The following NKAIN3 variants were observed in gnomAD, a reference collection of about 807,000 sequenced individuals.
NKAIN3 encodes the protein sodium/potassium transporting ATPase interacting 3.
NKAIN3 carries 25 observed loss-of-function variants against 30.2 expected under a neutral mutation model. That is an observed-to-expected ratio of 0.83 (90% CI 0.60 to 1.16). The LOEUF is 1.16. Ranked by LOEUF, NKAIN3 falls within the 50% of genes most tolerant of loss-of-function variation. NKAIN3 has a pLI of 0.00. For missense variants in NKAIN3, 225 were observed against 254.1 expected (o/e 0.89, Z 0.78); for synonymous variants, 91 against 89.6 (o/e 1.02, Z -0.09).
intron 1 of NKAIN3, among the ~76,000 whole-genome samples, chr8:62,415,689 T>G (rs1384515011): frequency 6.6e-6 from 1 of 151,350 alleles, no homozygotes; most frequent in African/African-American, 2.4e-5. Context: ...ATTTATAAAC[T>G]ATAGAAACTA....
intron 4 of NKAIN3, among the ~76,000 whole-genome samples, chr8:62,762,963 C>T (rs1033366624): frequency 1.3e-5 from 2 of 151,962 alleles, no homozygotes; most frequent in Admixed American, 1.3e-4. Context: ...GTGGCTCACA[C>T]CTGTAATCCC....
intron 3 of NKAIN3, among the ~76,000 whole-genome samples, chr8:62,603,490 A>T (rs1449795415): frequency 2.6e-5 from 4 of 152,176 alleles, no homozygotes; most frequent in Non-Finnish European, 5.9e-5. Flanking sequence ...GCAAAACTTA[A>T]GTCATTTAAA....
chr8:62,795,608 A>C (rs1019795929), intron 4 of NKAIN3, among the ~76,000 whole-genome samples: 2 of 151,786 alleles, frequency 1.3e-5, no homozygotes, highest in Non-Finnish European at 2.9e-5. Context: ...CTTTTTTTTT[A>C]GCTCTAAAAT....
At chr8:62,300,117 C>A (rs1189260983) in intron 1 of NKAIN3, among the ~76,000 whole-genome samples, 1 of 151,960 alleles carries the variant, frequency 6.6e-6, no homozygotes, top group Non-Finnish European at 1.5e-5. Context: ...ACATTTGTAT[C>A]CTTAGCTGCA....
intron 3 of NKAIN3, among the ~76,000 whole-genome samples, chr8:62,614,293 G>T (rs1381268407): frequency 1.3e-5 from 2 of 152,074 alleles, no homozygotes; most frequent in Non-Finnish European, 2.9e-5. Context: ...ATCAAATCTG[G>T]GAGAATTCTC....
rs1824100433 is a variant in NKAIN3 at position 62,982,282 on chromosome 8, T to C, written c.*16875T>C. The C allele has an allele frequency of 6.6e-6, 1 of 152,238 alleles. No homozygotes were observed. Among genetic ancestry groups the C allele is most frequent in the Non-Finnish European group, 1.5e-5 (1 of 68,040 alleles). 9.4% of individuals were successfully genotyped at this position (152,238 alleles called of 1,614,324 possible). On this transcript the variant is annotated 3_prime_UTR_variant, in exon 7 of 7. Transcript: ENST00000623646. ...GAAATTATTAATTATTGACTTCTAC[T>C]TAAATAAGATCTTATTTTCATCTGC... is the stretch of plus-strand genomic sequence containing the variant.
intron 1 of NKAIN3, among the ~76,000 whole-genome samples, chr8:62,386,586 G>A (rs923453733): frequency 1.3e-5 from 2 of 152,122 alleles, no homozygotes; most frequent in Non-Finnish European, 2.9e-5. Context: ...ATGAATACAT[G>A]AAGGATTTTT....
At chr8:62,465,761 G>A (rs1806142940) in intron 1 of NKAIN3, among the ~76,000 whole-genome samples, 2 of 152,130 alleles carry the variant, frequency 1.3e-5, no homozygotes, top group Non-Finnish European at 2.9e-5. Context: ...GGTAGCTCAC[G>A]CCTATAATCC....
intron 1 of NKAIN3, among the ~76,000 whole-genome samples, chr8:62,366,915 A>AT (rs1482963799): frequency 6.6e-6 from 1 of 151,880 alleles, no homozygotes; most frequent in Non-Finnish European, 1.5e-5. Flanking sequence ...GACTCAAGAT[A>AT]TTTTTTGATT....
At chr8:62,622,585 T>G (rs1433909351) in intron 3 of NKAIN3, among the ~76,000 whole-genome samples, 1 of 152,040 alleles carries the variant, frequency 6.6e-6, no homozygotes, top group Admixed American at 6.6e-5. Flanking sequence ...ATAAAATGCT[T>G]CTTCTTGTCT....
intron 1 of NKAIN3, among the ~76,000 whole-genome samples, chr8:62,565,365 C>CGTGTGT (rs3059061): frequency 4.7e-5 from 7 of 149,744 alleles, no homozygotes; most frequent in Non-Finnish European, 8.9e-5. Context: ...TACGTGTGTG[C>CGTGTGT]GTGTGTGTGT....
chr8:62,880,574 C>G (rs1820945199), intron 4 of NKAIN3, among the ~76,000 whole-genome samples: 1 of 152,204 alleles, frequency 6.6e-6, no homozygotes, highest in Non-Finnish European at 1.5e-5. Flanking sequence ...AAATTGCACA[C>G]TTTAAGTAGA....
At chr8:62,556,384 G>C (rs776662401) in intron 1 of NKAIN3, among the ~76,000 whole-genome samples, 2 of 151,292 alleles carry the variant, frequency 1.3e-5, no homozygotes, top group Non-Finnish European at 3.0e-5. Context: ...GGAAAAAACT[G>C]ATCAACTCAA....
chr8:62,263,202 T>C (rs1007979921), intron 1 of NKAIN3, among the ~76,000 whole-genome samples: 6 of 152,340 alleles, frequency 3.9e-5, no homozygotes, highest in Admixed American at 3.9e-4. Context: ...TTTTTAGTTA[T>C]CATAAAATTT....
chr8:62,441,926 G>T (rs1211341070), intron 1 of NKAIN3, among the ~76,000 whole-genome samples: 2 of 151,900 alleles, frequency 1.3e-5, no homozygotes, highest in African/African-American at 4.8e-5. Context: ...AAGTTTCCCA[G>T]ACTTTGATTA....
chr8:62,957,029 C>G (rs192466881), intron 6 of NKAIN3, among the ~76,000 whole-genome samples: 2 of 152,298 alleles, frequency 1.3e-5, no homozygotes, highest in Admixed American at 6.5e-5. Flanking sequence ...TCTTACAAAA[C>G]TAAGCATACT....
In NKAIN3 at chr8:62,585,480, T is replaced by C. The variant is rs73255091; in HGVS notation, c.193-4234T>C. ...CCTTAGGGCAGCCATTCCCAAACTT[T>C]TTGACACCAGGAACTCATTTCATGG... On this transcript the variant is annotated intron_variant, in intron 2 of 6. Coordinates refer to ENST00000623646, the MANE Select transcript of NKAIN3 (RefSeq NM_001304533.3). Among the ~76,000 whole-genome samples the C allele has an allele frequency of 8.7e-3, 1,325 of 152,258 alleles. 29 individuals are homozygous for C. The highest frequency in any genetic ancestry group is 0.03 in the African/African-American group (1,244 of 41,552).
intron 3 of NKAIN3, among the ~76,000 whole-genome samples, chr8:62,689,710 A>G (rs1813904558): frequency 6.6e-6 from 1 of 152,120 alleles, no homozygotes; most frequent in African/African-American, 2.4e-5. Flanking sequence ...TTAGCCCAGA[A>G]TTCCTATCCC....
At chr8:62,454,894 C>T (rs2129599077) in intron 1 of NKAIN3, among the ~76,000 whole-genome samples, 1 of 152,340 alleles carries the variant, frequency 6.6e-6, no homozygotes, top group South Asian at 2.1e-4. Context: ...CCAACTTTTT[C>T]TGTCCTGAAA....
Sources: allele counts gnomAD v4.1 joint callset (sites outside exome capture counted in the v4.1 genomes callset), GRCh38; gene constraint gnomAD v4.1.1; transcripts MANE v1.5; gene names NCBI Gene and HGNC (gene_info 2026-07-23, HGNC 2026-07-21).